The following TSC22D4 variants were observed in gnomAD, a reference collection of about 807,000 sequenced individuals.
TSC22D4 encodes TSC22 domain family protein 4.
TSC22D4 carries 5 observed loss-of-function variants against 24.9 expected under a neutral mutation model. That is an observed-to-expected ratio of 0.20 (90% CI 0.10 to 0.42). The LOEUF is 0.42. Ranked by LOEUF, TSC22D4 falls within the 10% of genes least tolerant of loss-of-function variation. The pLI, the probability that TSC22D4 is intolerant of heterozygous loss-of-function variation, is 1.00. For missense variants in TSC22D4, 469 were observed against 547.9 expected, an observed-to-expected ratio of 0.86 and a Z score of 1.44; for synonymous variants, 245 against 243.2, an observed-to-expected ratio of 1.01 and a Z score of -0.07.
chr7:100,469,476 C>G (rs1288396942), intron 3 of TSC22D4, among the ~76,000 whole-genome samples: 1 of 152,130 alleles, frequency 6.6e-6, no homozygotes, highest in African/African-American at 2.4e-5. Context: ...GCTGGCTCCA[C>G]GACGTTGGGC....
At chr7:100,472,460 G>A (rs2131046349) in intron 3 of TSC22D4, among the ~76,000 whole-genome samples, 1 of 150,736 alleles carries the variant, frequency 6.6e-6, no homozygotes, top group African/African-American at 2.4e-5. Flanking sequence ...AAAGACGGAG[G>A]CCTCAGGAGG....
At chr7:100,475,918 C>A (rs767153978) in intron 2 of TSC22D4, among the ~76,000 whole-genome samples, 16 of 151,954 alleles carry the variant, frequency 1.1e-4, no homozygotes, top group Non-Finnish European at 1.9e-4. Flanking sequence ...CTCCACCACT[C>A]CCCTCTGTTA....
intron 3 of TSC22D4, among the ~76,000 whole-genome samples, chr7:100,469,648 C>T (rs1221500154): frequency 2.6e-5 from 4 of 152,176 alleles, no homozygotes; most frequent in African/African-American, 4.8e-5. Flanking sequence ...TGCACTCTGG[C>T]GCTGTGGCGG....
Position 100,466,866 on chromosome 7 carries a change from G to T in TSC22D4, c.*93C>A. Reference sequence around the variant, plus strand: ...CTGAGCCTTGAACTCCCACCCCGGGGACACGGGGACATTAAAGCTGCATAG... The same window carrying T: ...CTGAGCCTTGAACTCCCACCCCGGGTACACGGGGACATTAAAGCTGCATAG... On this transcript the variant is annotated 3_prime_UTR_variant, in exon 5 of 5. Transcript: ENST00000300181. 7.9e-7 allele frequency: 1 copy of T among 1,260,600 alleles called. No individual in the cohort carries two copies. Among genetic ancestry groups the T allele is most frequent in the Non-Finnish European group, 1.1e-6 (1 of 923,744 alleles). The allele number at this position is 1,260,600 out of a possible 1,614,324, so 78.1% of individuals were successfully genotyped here.
At chr7:100,478,348 A>AGTGTGTGT (rs1419924992) in intron 1 of TSC22D4, 41 bp from the exon 2 acceptor site, 27 of 224,294 alleles carry the variant, frequency 1.2e-4, no homozygotes, top group Admixed American at 3.2e-4. Flanking sequence ...AGAGAGAGAG[A>AGTGTGTGT]GAGTGTGTGT....
At chr7:100,470,047 A>G (rs979204474) in intron 3 of TSC22D4, among the ~76,000 whole-genome samples, 22 of 152,092 alleles carry the variant, frequency 1.4e-4, no homozygotes, top group Admixed American at 2.0e-4. Flanking sequence ...CAGGAGGGTC[A>G]AAGTAATTTT....
At chr7:100,468,452 G>A (rs902879935) in intron 3 of TSC22D4, among the ~76,000 whole-genome samples, 1 of 152,166 alleles carries the variant, frequency 6.6e-6, no homozygotes, top group African/African-American at 2.4e-5. Context: ...GGTGGCTGGG[G>A]TAGGGGGCGT....
At chr7:100,473,989 G>T in intron 3 of TSC22D4, 2 of 359,596 alleles carry the variant, frequency 5.6e-6, no homozygotes, top group Non-Finnish European at 5.3e-6. Context: ...CTCTAAATCT[G>T]CAAGAGCTCT....
chr7:100,467,325 G>A (rs919424613), intron 4 of TSC22D4, 157 bp from the exon 5 acceptor site: 1 of 904,412 alleles, frequency 1.1e-6, no homozygotes, highest in East Asian at 2.6e-5. Flanking sequence ...CAGAGGCAGA[G>A]TCAGGGCTCA....
chr7:100,467,933 G>A (rs1304339868), intron 3 of TSC22D4: 1 of 542,450 alleles, frequency 1.8e-6, no homozygotes, highest in South Asian at 1.5e-5. Flanking sequence ...GAGACCCCTG[G>A]CTGGGCCATG....
intron 3 of TSC22D4, chr7:100,473,935 T>C: frequency 3.5e-6 from 1 of 284,976 alleles, no homozygotes; most frequent in East Asian, 7.5e-5. Context: ...CTATTCTGTC[T>C]AGAGCATGCA....
At chr7:100,473,504 C>T (rs1011739602) in intron 3 of TSC22D4, among the ~76,000 whole-genome samples, 2 of 151,532 alleles carry the variant, frequency 1.3e-5, no homozygotes, top group Admixed American at 6.6e-5. Context: ...TGCAGTGGTG[C>T]GATCTCGGCT....
chr7:100,472,381 G>C (rs529988047), intron 3 of TSC22D4, among the ~76,000 whole-genome samples: 1 of 151,186 alleles, frequency 6.6e-6, no homozygotes. Context: ...GCTGGGAACC[G>C]GACCGGTCAG....
At chr7:100,472,259 AG>A (rs1397345065) in intron 3 of TSC22D4, among the ~76,000 whole-genome samples, 3 of 151,886 alleles carry the variant, frequency 2.0e-5, no homozygotes, top group Admixed American at 6.6e-5. Context: ...TCCCATTCCT[AG>A]GGGGCAGGGG....
intron 3 of TSC22D4, among the ~76,000 whole-genome samples, chr7:100,472,281 C>A (rs1246990019): frequency 6.6e-6 from 1 of 152,064 alleles, no homozygotes; most frequent in Non-Finnish European, 1.5e-5. Context: ...GTGGCCCAAC[C>A]CAAACCCGCT....
intron 3 of TSC22D4, among the ~76,000 whole-genome samples, chr7:100,473,464 C>T (rs1245899048): frequency 5.3e-5 from 8 of 151,028 alleles, no homozygotes; most frequent in African/African-American, 1.5e-4. Flanking sequence ...TTTTTTGAGG[C>T]GGAGTCTCGC....
In TSC22D4 at chr7:100,474,802, T is replaced by C. The variant is rs1799462835; in HGVS notation, c.763-362A>G. Among the ~76,000 whole-genome samples, 1 of 152,092 alleles carries C rather than the reference T, an allele frequency of 6.6e-6. No individual in the cohort carries two copies. Among genetic ancestry groups the C allele is most frequent in the African/African-American group, 2.4e-5 (1 of 41,410 alleles). On this transcript the variant is annotated intron_variant, in intron 2 of 4. Transcript: ENST00000300181. This position sits in a 1 kb window ranked among gnomAD's most constrained non-coding sequence, Gnocchi z 4.3. ...TACGCAGCGTGTCTGCCTTCTTTTA[T>C]GTTTTATTTTTATTTTTTTGAGACA...
intron 3 of TSC22D4, among the ~76,000 whole-genome samples, chr7:100,472,692 C>G (rs1232711401): frequency 2.0e-5 from 3 of 152,010 alleles, no homozygotes; most frequent in Non-Finnish European, 4.4e-5. Flanking sequence ...CAGAAGCCAC[C>G]CAGTCCTGCC....
At chr7:100,471,631 T>C (rs1458979446) in intron 3 of TSC22D4, among the ~76,000 whole-genome samples, 2 of 151,966 alleles carry the variant, frequency 1.3e-5, no homozygotes, top group African/African-American at 4.8e-5. Flanking sequence ...TCCCAGCTAC[T>C]GGGGAGGCTG....
Sources: allele counts gnomAD v4.1 joint callset (sites outside exome capture counted in the v4.1 genomes callset), GRCh38; gene constraint gnomAD v4.1.1; non-coding constraint Gnocchi (gnomAD v3.1); transcripts MANE v1.5; gene names NCBI Gene and HGNC (gene_info 2026-07-23, HGNC 2026-07-21).